The following EDNRB variants were observed in gnomAD, a reference collection of about 807,000 sequenced individuals.
EDNRB encodes Hirschsprung disease 2.
In EDNRB, 18 loss-of-function variants were observed where a neutral mutation model predicts 46.4. The observed-to-expected ratio is 0.39, with a 90% CI of 0.27 to 0.57. The LOEUF (loss-of-function observed/expected upper bound fraction) is 0.57. Ranked by LOEUF, EDNRB falls within the 20% of genes least tolerant of loss-of-function variation. EDNRB has a pLI of 0.61. For missense variants in EDNRB, 434 were observed against 537.5 expected, an observed-to-expected ratio of 0.81 and a Z score of 1.90; for synonymous variants, 213 against 204.9, an observed-to-expected ratio of 1.04 and a Z score of -0.34.
chr13:77,933,326 G>A (rs143606158), intron 1 of EDNRB, among the ~76,000 whole-genome samples: 2,573 of 152,288 alleles, frequency 0.017, 77 homozygotes, highest in African/African-American at 0.057. Context: ...GAGAGTCAGC[G>A]AAGGGAGACA....
chr13:77,917,961 T>C, intron 1 of EDNRB, 130 bp downstream of exon 1: 2 of 1,406,728 alleles, frequency 1.4e-6, no homozygotes, highest in Non-Finnish European at 2.0e-6. Flanking sequence ...CAAAGATTAC[T>C]GACTTTTAGG....
At chr13:77,930,050 T>C (rs991255024) in intron 1 of EDNRB, among the ~76,000 whole-genome samples, 21 of 152,190 alleles carry the variant, frequency 1.4e-4, no homozygotes, top group African/African-American at 4.8e-4. Context: ...CTCGTAGTTA[T>C]GGATTGATTG....
intron 1 of EDNRB, among the ~76,000 whole-genome samples, chr13:77,946,342 A>T (rs1242938280): frequency 1.3e-5 from 2 of 152,200 alleles, no homozygotes; most frequent in Admixed American, 6.6e-5. Flanking sequence ...CAGAGGAGAT[A>T]CGGAAGGAAT....
At chr13:77,920,210 A>AATC (rs1175239828), upstream of EDNRB, among the ~76,000 whole-genome samples, 2 of 152,230 alleles carry the variant, frequency 1.3e-5, no homozygotes, top group Non-Finnish European at 1.5e-5. Context: ...ACATGAAAAT[A>AATC]ATCAGAAAGC....
At chr13:77,925,096 G>A (rs1012539900) in intron 1 of EDNRB, among the ~76,000 whole-genome samples, 3 of 152,148 alleles carry the variant, frequency 2.0e-5, no homozygotes, top group Non-Finnish European at 4.4e-5. Flanking sequence ...TTTAATTTCT[G>A]CTTCTATGAA....
At chr13:77,919,759 A>G (rs1880017021), upstream of EDNRB, 2 of 737,072 alleles carry the variant, frequency 2.7e-6, no homozygotes, top group African/African-American at 3.6e-5. Context: ...CAGGTCCCAA[A>G]AGGCTGTTTA....
intron 1 of EDNRB, among the ~76,000 whole-genome samples, chr13:77,957,090 G>T (rs2137680323): frequency 6.6e-6 from 1 of 152,270 alleles, no homozygotes; most frequent in South Asian, 2.1e-4. Context: ...GGATTCAGTT[G>T]TAATAATATA....
intron 1 of EDNRB, among the ~76,000 whole-genome samples, chr13:77,971,541 G>T (rs552939066): frequency 1.3e-5 from 2 of 151,080 alleles, no homozygotes; most frequent in South Asian, 2.1e-4. Flanking sequence ...GGTGTAAAGG[G>T]TTTTGTCAGG....
rs145598508 is a variant in EDNRB, at chr13:77,902,550, C to A, written c.801+606G>T. ...CTTAGCCACCTGCTCTGACCTTAGT[C>A]ATCCTTAGCCACCTGCTCTGTAACT... is the stretch of plus-strand genomic sequence containing the variant. On this transcript the variant is annotated intron_variant, in intron 3 of 6. Transcript: ENST00000646607. Among the ~76,000 whole-genome samples, 6 of 152,016 alleles carry A rather than the reference C, an allele frequency of 3.9e-5. No individual in the cohort carries two copies. In the East Asian group the frequency reaches 1.2e-3, roughly 30 times the overall value.
At chr13:77,939,995 T>TAAATAAATAAATAAATAAATAAATA (rs1230963129) in intron 1 of EDNRB, 1 of 21,156 alleles carries the variant, frequency 4.7e-5, no homozygotes, top group African/African-American at 9.9e-5. Context: ...ACTCTGTCTC[T>TAAATAAATAAATAAATAAATAAATA]AAATAAATAA....
Position 77,897,520 on chromosome 13 carries a change from A to G in EDNRB, c.*680T>C. On this transcript the variant is annotated 3_prime_UTR_variant, in exon 7 of 7. Transcript: ENST00000646607. ...CAGCTGGCACATGTGCCAGTCTGTT[A>G]CATGCTGCTTGTTTGTGACATGTTG... The G allele has an allele frequency of 6.1e-6, 6 of 981,998 alleles. No homozygotes were observed. The highest frequency in any genetic ancestry group is 7.3e-6 in the Non-Finnish European group (6 of 826,938). 60.8% of individuals were successfully genotyped at this position (981,998 alleles called of 1,614,324 possible). A position where few individuals can be genotyped will look rare whatever the true frequency, so the allele number is the denominator to read the frequency against.
chr13:77,946,428 A>G (rs915261077), intron 1 of EDNRB, among the ~76,000 whole-genome samples: 4 of 152,222 alleles, frequency 2.6e-5, no homozygotes, highest in African/African-American at 9.6e-5. Flanking sequence ...AAATACAATT[A>G]TACAGAAGGT....
chr13:77,925,926 C>T (rs1379183855), intron 1 of EDNRB, among the ~76,000 whole-genome samples: 3 of 152,222 alleles, frequency 2.0e-5, no homozygotes, highest in Non-Finnish European at 4.4e-5. Flanking sequence ...CTGCCCAAGA[C>T]CATGGGAACC....
intron 3 of EDNRB, among the ~76,000 whole-genome samples, chr13:77,902,464 A>G (rs1225847668): frequency 6.6e-6 from 1 of 151,598 alleles, no homozygotes; most frequent in African/African-American, 2.4e-5. Context: ...TTCCTTAGTT[A>G]TCCTTCATCA....
intron 1 of EDNRB, among the ~76,000 whole-genome samples, chr13:77,906,000 T>G (rs1406053880): frequency 6.6e-6 from 1 of 151,900 alleles, no homozygotes; most frequent in Admixed American, 6.6e-5. Flanking sequence ...CAGTGTAGAA[T>G]AGAATGTAGG....
intron 1 of EDNRB, among the ~76,000 whole-genome samples, chr13:77,943,549 CT>C (rs959709603): frequency 6.6e-6 from 1 of 152,088 alleles, no homozygotes; most frequent in Non-Finnish European, 1.5e-5. Flanking sequence ...AAGATATTCC[CT>C]AGTTTTATTG....
At chr13:77,973,207 T>A (rs1297764801) in intron 1 of EDNRB, among the ~76,000 whole-genome samples, 1 of 152,230 alleles carries the variant, frequency 6.6e-6, no homozygotes, top group Non-Finnish European at 1.5e-5. Context: ...CTATTTTTAT[T>A]AGTTTTTAAA....
At chr13:77,939,994 C>CTAAATAAATGAATAAA (rs1555293651) in intron 1 of EDNRB, 3 of 144,520 alleles carry the variant, frequency 2.1e-5, no homozygotes, top group Non-Finnish European at 4.5e-5. Context: ...GACTCTGTCT[C>CTAAATAAATGAATAAA]TAAATAAATA....
intron 1 of EDNRB, among the ~76,000 whole-genome samples, chr13:77,955,935 T>A (rs1029480282): frequency 3.3e-5 from 5 of 152,058 alleles, no homozygotes; most frequent in Admixed American, 2.6e-4. Flanking sequence ...CACAGTAGTT[T>A]TTAATATATT....
Sources: allele counts gnomAD v4.1 joint callset (sites outside exome capture counted in the v4.1 genomes callset), GRCh38; gene constraint gnomAD v4.1.1; transcripts MANE v1.5; gene names NCBI Gene and HGNC (gene_info 2026-07-23, HGNC 2026-07-21).